CCNB3: variants seen among roughly 807,000 people sequenced by gnomAD.
CCNB3 encodes the protein G2/mitotic-specific cyclin-B3.
Under a neutral mutation model 68.0 loss-of-function variants are expected in CCNB3, and 12 were observed. The ratio of observed to expected loss-of-function variants is 0.18; its 90% confidence interval spans 0.11 to 0.29. The LOEUF (loss-of-function observed/expected upper bound fraction) is 0.29. CCNB3 is among the 10% of genes least tolerant of loss of function. The probability of loss-of-function intolerance (pLI) is 1.00; values close to 1 mark genes in which losing one functional copy is unlikely to be tolerated. For missense variants in CCNB3, 904 were observed against 993.1 expected, an observed-to-expected ratio of 0.91 and a Z score of 1.21; for synonymous variants, 354 against 388.9, an observed-to-expected ratio of 0.91 and a Z score of 1.06.
At chrX:50,288,980 C>A in intron 4 of CCNB3, 93 bp downstream of exon 4, 1 of 556,757 alleles carries the variant, frequency 1.8e-6, no homozygotes, top group Non-Finnish European at 2.8e-6. Context: ...CAGACCCTCT[C>A]TGGAATCTTG....
chrX:50,328,632 CT>C (rs1166053122), intron 8 of CCNB3, among the ~76,000 whole-genome samples: 35 of 111,560 alleles, frequency 3.1e-4, no homozygotes, highest in African/African-American at 1.1e-3. Flanking sequence ...CATTTCACCC[CT>C]GGCCCCTCAA....
At chrX:50,215,571 T>A (rs891543967) in intron 1 of CCNB3, among the ~76,000 whole-genome samples, 3 of 110,770 alleles carry the variant, frequency 2.7e-5, no homozygotes, top group African/African-American at 9.9e-5. Context: ...AGCTGATTTT[T>A]AAAAATCAAT....
intron 1 of CCNB3, among the ~76,000 whole-genome samples, chrX:50,228,737 G>C (rs1935987667): frequency 2.2e-5 from 1 of 45,492 alleles, no homozygotes; most frequent in African/African-American, 8.6e-5. Flanking sequence ...ATAGAATATA[G>C]AAACATATAG....
At chrX:50,312,656 C>T in intron 7 of CCNB3, 24 bp downstream of exon 7, 1 of 1,035,052 alleles carries the variant, frequency 9.7e-7, no homozygotes, top group Non-Finnish European at 1.3e-6. Flanking sequence ...TTGGGTTGGG[C>T]AATGATTTCT....
chrX:50,306,236 C>G (rs975066225), intron 5 of CCNB3, among the ~76,000 whole-genome samples: 17 of 110,743 alleles, frequency 1.5e-4, no homozygotes, highest in African/African-American at 5.6e-4. Context: ...CTTCTTGATA[C>G]TATTGTAAAT....
chrX:50,312,917 T>C (rs1159181925), intron 7 of CCNB3, among the ~76,000 whole-genome samples: 1 of 110,902 alleles, frequency 9.0e-6, no homozygotes, highest in Non-Finnish European at 1.9e-5. Flanking sequence ...AGAGCTGAGA[T>C]ATGAACTAAA....
chrX:50,292,127 C>T (rs1936359464), intron 4 of CCNB3, among the ~76,000 whole-genome samples: 1 of 111,076 alleles, frequency 9.0e-6, no homozygotes, highest in African/African-American at 3.3e-5. Flanking sequence ...CTTATATAAC[C>T]ACAATATACT....
At chrX:50,301,920 G>A (rs894467253) in intron 5 of CCNB3, among the ~76,000 whole-genome samples, 3 of 112,688 alleles carry the variant, frequency 2.7e-5, no homozygotes, top group African/African-American at 9.7e-5. Context: ...TGTGGGCATA[G>A]GACCCTCCGA....
chrX:50,343,692 C>T (rs781887063), intron 9 of CCNB3, among the ~76,000 whole-genome samples: 1 of 111,510 alleles, frequency 9.0e-6, no homozygotes. Context: ...GGTGAGAGAA[C>T]AAGACCCTGT....
intron 1 of CCNB3, among the ~76,000 whole-genome samples, chrX:50,226,771 AATAT>A (rs1218465393): frequency 2.5e-5 from 2 of 80,719 alleles, no homozygotes; most frequent in Non-Finnish European, 4.4e-5. Context: ...ATGTACATAG[AATAT>A]ATATATGAAT....
intron 1 of CCNB3, among the ~76,000 whole-genome samples, chrX:50,280,735 C>T (rs1422341358): frequency 9.1e-6 from 1 of 110,224 alleles, no homozygotes; most frequent in African/African-American, 3.3e-5. Flanking sequence ...CATCCTCTGG[C>T]AAGGTTATTT....
intron 5 of CCNB3, among the ~76,000 whole-genome samples, chrX:50,299,294 A>G (rs1186996899): frequency 2.7e-5 from 3 of 109,390 alleles, no homozygotes; most frequent in Non-Finnish European, 5.7e-5. Flanking sequence ...CCCTCTACAC[A>G]CTGCTTTGAA....
At chrX:50,225,412 C>G (rs1253529678) in intron 1 of CCNB3, among the ~76,000 whole-genome samples, 1 of 110,776 alleles carries the variant, frequency 9.0e-6, no homozygotes, top group Non-Finnish European at 1.9e-5. Flanking sequence ...CCTTGTAGAC[C>G]AGGGTAGGTA....
chrX:50,298,541 T>G (rs1256863854), intron 5 of CCNB3, among the ~76,000 whole-genome samples: 3 of 111,994 alleles, frequency 2.7e-5, no homozygotes, highest in Non-Finnish European at 5.6e-5. Context: ...TGCCAGTATT[T>G]TATTGAGGAT....
At chrX:50,301,742 C>T (rs1030923958) in intron 5 of CCNB3, among the ~76,000 whole-genome samples, 1 of 112,892 alleles carries the variant, frequency 8.9e-6, no homozygotes, top group Admixed American at 9.3e-5. Flanking sequence ...GTGGAGCCTA[C>T]AGAGGCAGGC....
chrX:50,324,292 C>A (rs1380893087), intron 8 of CCNB3, among the ~76,000 whole-genome samples: 2 of 112,020 alleles, frequency 1.8e-5, no homozygotes, highest in Non-Finnish European at 3.8e-5. Context: ...AATGATCCAC[C>A]CTCTTCGACC....
intron 8 of CCNB3, among the ~76,000 whole-genome samples, chrX:50,317,018 C>T: frequency 8.9e-6 from 1 of 112,643 alleles, no homozygotes; most frequent in East Asian, 2.8e-4. Context: ...GAAATTGCCA[C>T]AGAGTGGCTG....
chrX:50,305,745 A>T (rs1921023726), intron 5 of CCNB3, among the ~76,000 whole-genome samples: 1 of 105,907 alleles, frequency 9.4e-6, no homozygotes, highest in African/African-American at 3.4e-5. Flanking sequence ...CAACTTGGGA[A>T]GTATTGATAT....
chrX:50,219,032 G>A (rs1460844547), intron 1 of CCNB3, among the ~76,000 whole-genome samples: 10 of 112,056 alleles, frequency 8.9e-5, no homozygotes, highest in African/African-American at 3.2e-4. Context: ...CAGTGATGAT[G>A]AGCTTTTTTT....
Sources: allele counts gnomAD v4.1 joint callset (sites outside exome capture counted in the v4.1 genomes callset), GRCh38; gene constraint gnomAD v4.1.1; transcripts MANE v1.5; gene names NCBI Gene and HGNC (gene_info 2026-07-23, HGNC 2026-07-21).